Variants in COL4A4 observed in about 807,000 individuals in gnomAD.
COL4A4 encodes the protein collagen type IV alpha 4 chain, also known as collagen alpha-4(IV) chain.
COL4A4 carries 105 observed loss-of-function variants against 192.9 expected under a neutral mutation model. The ratio of observed to expected loss-of-function variants is 0.54; its 90% CI spans 0.46 to 0.64. The LOEUF (loss-of-function observed/expected upper bound fraction) is 0.64, where lower values mean the gene tolerates loss of function less well. Among genes scored for constraint, COL4A4 ranks in the 30% least tolerant of loss-of-function variants. The pLI, the probability that COL4A4 is intolerant of heterozygous loss-of-function variation, is 0.00. For missense variants in COL4A4, 1,967 were observed against 2,169.3 expected (o/e 0.91, Z 1.85); for synonymous variants, 762 against 769.9 (o/e 0.99, Z 0.17).
At chr2:227,143,355 A>G (rs2063345072) in intron 3 of COL4A4, among the ~76,000 whole-genome samples, 1 of 152,220 alleles carries the variant, frequency 6.6e-6, no homozygotes. Context: ...TTCCAAAAAG[A>G]CACATTCCTG....
chr2:227,056,220 A>T, intron 29 of COL4A4, 105 bp from the exon 30 acceptor site: 1 of 988,528 alleles, frequency 1.0e-6, no homozygotes, highest in African/African-American at 1.6e-5. Flanking sequence ...ACAACAGTAA[A>T]GCAATATTTG....
intron 1 of COL4A4, among the ~76,000 whole-genome samples, chr2:227,155,363 T>C (rs112073437): frequency 5.3e-5 from 8 of 152,302 alleles, no homozygotes; most frequent in African/African-American, 1.9e-4. Flanking sequence ...AACAGAAAAT[T>C]TGACAGCAAC....
chr2:227,140,460 T>C (rs1035247753), intron 3 of COL4A4, among the ~76,000 whole-genome samples: 1 of 152,178 alleles, frequency 6.6e-6, no homozygotes, highest in Non-Finnish European at 1.5e-5. Context: ...TGAAGGAAAA[T>C]AAGTATCCTT....
chr2:227,114,462 A>T (rs1478550362), intron 8 of COL4A4, 166 bp downstream of exon 8: 4 of 721,162 alleles, frequency 5.5e-6, no homozygotes. Context: ...GACTAAAGCC[A>T]CTGCCTTCAC....
intron 19 of COL4A4, 97 bp from the exon 20 acceptor site, chr2:227,094,386 A>C: frequency 7.7e-7 from 1 of 1,295,732 alleles, no homozygotes. Context: ...TAGGTTATCG[A>C]ATTTTTTAAA....
chr2:227,087,527 A>T (rs979322368), intron 22 of COL4A4, among the ~76,000 whole-genome samples: 2 of 151,944 alleles, frequency 1.3e-5, no homozygotes, highest in African/African-American at 4.8e-5. Context: ...TTTTCCTTAT[A>T]TCCTATGTCC....
At chr2:227,039,590 AT>A (rs1189578314) in intron 37 of COL4A4, among the ~76,000 whole-genome samples, 1 of 152,228 alleles carries the variant, frequency 6.6e-6, no homozygotes, top group African/African-American at 2.4e-5. Context: ...AATTGGGTGT[AT>A]GTTTTTAAGC....
At chr2:227,007,845 TTTTAA>T (rs1444129056) in intron 47 of COL4A4, among the ~76,000 whole-genome samples, 168 bp downstream of exon 47, 8 of 152,176 alleles carry the variant, frequency 5.3e-5, no homozygotes, top group Admixed American at 5.2e-4. Context: ...TCACAAGTGT[TTTTAA>T]AAGATAATGG....
the COL4A4 span, among the ~76,000 whole-genome samples, chr2:226,992,197 C>T: frequency 6.6e-6 from 1 of 152,166 alleles, no homozygotes; most frequent in African/African-American, 2.4e-5. Context: ...CAGAGTGTAC[C>T]TGAGACTGAG....
At chr2:227,047,438 C>CT (rs745930446) in intron 35 of COL4A4, 37 bp downstream of exon 35, 11 of 1,484,758 alleles carry the variant, frequency 7.4e-6, no homozygotes, top group African/African-American at 2.8e-5. Flanking sequence ...AACTAAACTA[C>CT]TTTTTTTGTT....
At chr2:226,974,688 T>G in the COL4A4 span, among the ~76,000 whole-genome samples, 1 of 152,140 alleles carries the variant, frequency 6.6e-6, no homozygotes, top group African/African-American at 2.4e-5. Context: ...TGGAAGTGAT[T>G]TGTATAGATT....
At chr2:227,161,945 AAAAG>A (rs927320520) in intron 1 of COL4A4, among the ~76,000 whole-genome samples, 16 of 152,224 alleles carry the variant, frequency 1.1e-4, no homozygotes, top group African/African-American at 2.7e-4. Context: ...CAAAAAAAAA[AAAAG>A]AATCAAATTT....
rs2150288135 is a variant in COL4A4 at position 227,060,218 on chromosome 2, T to C, written c.2082A>G (p.Gln694=). ...PPGPKGFPGP[Q]GAPGLSGSDG... The stretch of plus-strand genomic sequence containing the variant: ...CTGAACCACTCAGCCCAGGGGCACC[T>C]TGGGGACCTGGAAATCCCTTCGGAC... Residue 694 remains glutamine, a synonymous_variant, in exon 27 of 48, where the codon CAA becomes CAG. Coordinates refer to ENST00000396625, the MANE Select transcript of COL4A4 (RefSeq NM_000092.5). The C allele has an allele frequency of 6.2e-7, 1 of 1,611,222 alleles. No individual in the cohort carries two copies. Among genetic ancestry groups the C allele is most frequent in the Non-Finnish European group, 8.5e-7 (1 of 1,178,796 alleles).
the COL4A4 span, among the ~76,000 whole-genome samples, chr2:226,991,155 A>G: frequency 1.3e-5 from 2 of 152,222 alleles, no homozygotes; most frequent in African/African-American, 4.8e-5. Flanking sequence ...TGAGCTCTGT[A>G]TTTTAAGAAG....
chr2:227,019,651 G>A (rs543548651), intron 44 of COL4A4, among the ~76,000 whole-genome samples: 4 of 152,130 alleles, frequency 2.6e-5, no homozygotes, highest in Non-Finnish European at 5.9e-5. Context: ...CAATACCCTT[G>A]ACTTGCAACT....
At chr2:227,112,298 C>T (rs897118088) in intron 8 of COL4A4, among the ~76,000 whole-genome samples, 3 of 149,188 alleles carry the variant, frequency 2.0e-5, no homozygotes, top group African/African-American at 5.0e-5. Flanking sequence ...GATGGAGTCT[C>T]GCTCTTGTCA....
At position 227,039,809 on chromosome 2, in the gene COL4A4, A is replaced by G. The variant is rs1422674844; in HGVS notation, c.3505+2339T>C. On this transcript the variant is annotated intron_variant, in intron 37 of 47. Transcript: ENST00000396625. ...GACAGGAAATGGCCACAATCACCACAGAAACTTTCAAAATAACAGAATGAT... is the reference window on the plus strand; with the variant it reads ...GACAGGAAATGGCCACAATCACCACGGAAACTTTCAAAATAACAGAATGAT... Among the ~76,000 whole-genome samples, 4 of 152,258 alleles carry G rather than the reference A, an allele frequency of 2.6e-5. No homozygotes were observed. In the East Asian group the frequency reaches 7.7e-4, roughly 29 times the overall value.
In COL4A4 at chr2:227,052,367, G is replaced by C. The variant is rs35138315; in HGVS notation, c.2906C>G (p.Ser969Ter). 3.2e-4 allele frequency: 521 copies of C among 1,613,292 alleles called. No individual in the cohort carries two copies. The highest frequency in any genetic ancestry group is 4.3e-4 in the Non-Finnish European group (507 of 1,179,386). ...PGDEGEMAIISQKGTPGEPGP... is the reference protein window; with the variant it reads ...PGDEGEMAII ...AGGTTCCCCAGGTGTTCCCTTTTGT[G>C]AAATGATAGCCATTTCTCCTTCATC... is the stretch of plus-strand genomic sequence containing the variant. The change falls in exon 32 of 48, where the codon TCA becomes TGA. Residue 969 changes from serine to a stop codon, truncating the protein, a stop_gained. Transcript: ENST00000396625. LOFTEE classifies it high-confidence loss of function.
intron 30 of COL4A4, 24 bp from the exon 31 acceptor site, chr2:227,054,761 T>G: frequency 6.2e-7 from 1 of 1,605,696 alleles, no homozygotes; most frequent in South Asian, 1.1e-5. Context: ...AGCATAAAGT[T>G]TTAGGAAAAT....
Sources: gnomAD v4.1 joint callset for allele counts (sites outside exome capture counted in the v4.1 genomes callset) on GRCh38, gnomAD v4.1.1 for gene constraint, MANE v1.5 for transcripts, NCBI Gene and HGNC (gene_info 2026-07-23, HGNC 2026-07-21) for gene names.